The following FMN2 variants were observed in gnomAD, a reference collection of about 807,000 sequenced individuals.
FMN2 encodes the protein formin 2, also known as formin-2.
Under a neutral mutation model 142.3 loss-of-function variants are expected in FMN2, and 51 were observed. The ratio of observed to expected loss-of-function variants is 0.36; its 90% confidence interval spans 0.29 to 0.45. The LOEUF (loss-of-function observed/expected upper bound fraction) is 0.45. Ranked by LOEUF, FMN2 falls within the 20% of genes least tolerant of loss-of-function variation. FMN2 has a pLI of 1.00. For synonymous variants in FMN2, 882 were observed against 869.8 expected, an observed-to-expected ratio of 1.01 and a Z score of -0.25; for missense variants, 1,936 against 2,122.8, an observed-to-expected ratio of 0.91 and a Z score of 1.73.
At chr1:240,099,618 T>C (rs148946386) in intron 1 of FMN2, among the ~76,000 whole-genome samples, 13 of 152,294 alleles carry the variant, frequency 8.5e-5, no homozygotes, top group African/African-American at 2.9e-4. Context: ...TTTATGAACA[T>C]GCATTTCATT....
chr1:240,348,291 G>A (rs1449592806), intron 13 of FMN2, among the ~76,000 whole-genome samples: 2 of 150,120 alleles, frequency 1.3e-5, no homozygotes, highest in Admixed American at 6.6e-5. Context: ...GCATGGTCTC[G>A]GCTCACTGCA....
intron 2 of FMN2, among the ~76,000 whole-genome samples, chr1:240,174,557 G>A (rs1459539136): frequency 6.6e-6 from 1 of 152,042 alleles, no homozygotes; most frequent in East Asian, 1.9e-4. Flanking sequence ...GTAGAGGTGG[G>A]GTCTCACTGT....
At chr1:240,136,874 C>T (rs750406170) in intron 2 of FMN2, among the ~76,000 whole-genome samples, 2 of 151,936 alleles carry the variant, frequency 1.3e-5, no homozygotes, top group East Asian at 3.9e-4. Context: ...AGTTTGAGAT[C>T]AGCCTGACCC....
At chr1:240,350,913 G>T (rs1394526453) in intron 13 of FMN2, among the ~76,000 whole-genome samples, 1 of 152,150 alleles carries the variant, frequency 6.6e-6, no homozygotes. Flanking sequence ...ACATTTTGCA[G>T]ATAAACAAGA....
At chr1:240,434,856 G>GTT (rs58393858) in intron 15 of FMN2, among the ~76,000 whole-genome samples, 21,932 of 144,876 alleles carry the variant, frequency 0.15, 3,446 homozygotes, top group African/African-American at 0.41. Context: ...CAGGCTGCTT[G>GTT]TTTTTTTTTT....
In FMN2 at chr1:240,092,472, C is replaced by T. The variant is rs112904598; in HGVS notation, c.363C>T (p.Leu121=). The T allele has an allele frequency of 2.9e-3, 4,643 of 1,609,000 alleles. 138 individuals carry two copies. The African/African-American group carries it at 0.055, about 19-fold the overall frequency. Residue 121 remains leucine (L), a synonymous_variant, in exon 1 of 18, where the codon CTC becomes CTT. Transcript: ENST00000319653. The part of the protein sequence containing the change: ...AHSLLTKTPD[L]SLSADEAGLS... ...CCCTGCTCACCAAGACTCCAGACCT[C>T]AGCCTCTCGGCGGACGAGGCCGGCC... is the stretch of plus-strand genomic sequence containing the variant.
chr1:240,264,596 T>G (rs1247344369), intron 7 of FMN2, among the ~76,000 whole-genome samples: 1 of 152,158 alleles, frequency 6.6e-6, no homozygotes, highest in Non-Finnish European at 1.5e-5. Flanking sequence ...ATGTTCTCAT[T>G]GTTCAACTCC....
At chr1:240,233,529 GACATACTATTGTT>G (rs1250419627) in intron 6 of FMN2, among the ~76,000 whole-genome samples, 2 of 152,094 alleles carry the variant, frequency 1.3e-5, no homozygotes, top group African/African-American at 2.4e-5. Flanking sequence ...TAGAGGAAGT[GACATACTATTGTT>G]CTGAAGACTC....
intron 3 of FMN2, among the ~76,000 whole-genome samples, chr1:240,184,242 T>TG (rs1665281254): frequency 7.6e-6 from 1 of 132,304 alleles, no homozygotes; most frequent in South Asian, 2.9e-4. Flanking sequence ...TAACCTTTTT[T>TG]TTTTTTTTTT....
intron 2 of FMN2, among the ~76,000 whole-genome samples, chr1:240,149,947 T>C (rs1346939777): frequency 2.0e-5 from 3 of 152,180 alleles, no homozygotes; most frequent in Non-Finnish European, 4.4e-5. Context: ...AATATGGTTA[T>C]AGTTAAGGTA....
chr1:240,123,505 C>CAAAAAAAAAAA (rs71168901), intron 2 of FMN2, among the ~76,000 whole-genome samples, 160 bp downstream of exon 2: 4 of 107,796 alleles, frequency 3.7e-5, no homozygotes, highest in Admixed American at 2.2e-4. Context: ...TGTTTGTACA[C>CAAAAAAAAAAA]AAAAAAAAAA....
chr1:240,248,150 C>T (rs1668143426), intron 6 of FMN2, among the ~76,000 whole-genome samples: 2 of 151,960 alleles, frequency 1.3e-5, no homozygotes, highest in African/African-American at 4.8e-5. Flanking sequence ...CTTTCTACCT[C>T]CATGAGATTA....
chr1:240,433,811 A>G (rs1018810102), intron 15 of FMN2, among the ~76,000 whole-genome samples: 2 of 152,082 alleles, frequency 1.3e-5, no homozygotes, highest in African/African-American at 4.8e-5. Flanking sequence ...GGTGGGTTTT[A>G]TGTCGTGAGG....
chr1:240,118,106 G>C (rs533052919), intron 1 of FMN2, among the ~76,000 whole-genome samples: 1 of 152,138 alleles, frequency 6.6e-6, no homozygotes, highest in Admixed American at 6.6e-5. Context: ...GTTTGAGGAG[G>C]AGAAGGCCAG....
chr1:240,467,153 G>T (rs1676649257), intron 16 of FMN2, among the ~76,000 whole-genome samples: 1 of 152,148 alleles, frequency 6.6e-6, no homozygotes. Flanking sequence ...CAGGGACTGG[G>T]CAGACTGCCT....
At chr1:240,186,225 T>G (rs560863756) in intron 3 of FMN2, among the ~76,000 whole-genome samples, 1 of 152,314 alleles carries the variant, frequency 6.6e-6, no homozygotes, top group South Asian at 2.1e-4. Flanking sequence ...TACTCTCTCT[T>G]TCTCTGCCCA....
intron 13 of FMN2, among the ~76,000 whole-genome samples, chr1:240,334,650 A>T (rs58912780): frequency 0.033 from 4,962 of 151,768 alleles, 268 homozygotes; most frequent in African/African-American, 0.11. Flanking sequence ...GGAACAAAAT[A>T]TCTTCTACTT....
intron 4 of FMN2, among the ~76,000 whole-genome samples, chr1:240,205,256 T>G (rs1265085479): frequency 2.0e-5 from 3 of 152,092 alleles, no homozygotes; most frequent in Admixed American, 2.0e-4. Flanking sequence ...TCTCTTTCCC[T>G]TTTATTCCAG....
intron 13 of FMN2, among the ~76,000 whole-genome samples, chr1:240,336,915 A>G (rs111488398): frequency 2.0e-5 from 3 of 152,062 alleles, no homozygotes; most frequent in African/African-American, 4.8e-5. Flanking sequence ...GGGGTTTTCC[A>G]TGAAAAACAA....
Sources: allele counts gnomAD v4.1 joint callset (sites outside exome capture counted in the v4.1 genomes callset), GRCh38; gene constraint gnomAD v4.1.1; transcripts MANE v1.5; gene names NCBI Gene and HGNC (gene_info 2026-07-23, HGNC 2026-07-21).